CDH1: variants seen among roughly 807,000 people sequenced by gnomAD.
CDH1 encodes the protein cadherin 1.
Under a neutral mutation model 84.5 loss-of-function variants are expected in CDH1, and 35 were observed. The observed-to-expected ratio is 0.41, with a 90% CI of 0.32 to 0.55. The LOEUF is 0.55. Ranked by LOEUF, CDH1 falls within the 20% of genes least tolerant of loss-of-function variation. CDH1 has a pLI of 0.19. For missense variants in CDH1, 994 were observed against 1,126.6 expected, an observed-to-expected ratio of 0.88 and a Z score of 1.68; for synonymous variants, 417 against 439.0, an observed-to-expected ratio of 0.95 and a Z score of 0.63.
chr16:68,811,666 C>G lies in CDH1; in HGVS notation c.833-18C>G, dbSNP rs1960832962. On this transcript the variant is annotated intron_variant, in intron 6 of 15. Coordinates refer to ENST00000261769, the MANE Select transcript of CDH1 (RefSeq NM_004360.5). ...AAGTGCAGCTTGTCTAAACCTTCATCTCCTTGAACTCTTCCAGGAACCTCT... is the reference window on the plus strand; with the variant it reads ...AAGTGCAGCTTGTCTAAACCTTCATGTCCTTGAACTCTTCCAGGAACCTCT... The G allele has an allele frequency of 6.2e-7, 1 of 1,612,446 alleles. No individual in the cohort carries two copies. Among genetic ancestry groups the G allele is most frequent in the East Asian group, 2.2e-5 (1 of 44,850 alleles).
At chr16:68,803,136 G>A (rs1361124444) in intron 3 of CDH1, among the ~76,000 whole-genome samples, 1 of 152,174 alleles carries the variant, frequency 6.6e-6, no homozygotes, top group South Asian at 2.1e-4. Context: ...GGAATATGTT[G>A]TAAGTGCCAG....
At chr16:68,782,081 G>A (rs1597871019) in intron 2 of CDH1, among the ~76,000 whole-genome samples, 1 of 152,198 alleles carries the variant, frequency 6.6e-6, no homozygotes, top group Non-Finnish European at 1.5e-5. Context: ...TCAAATCTTT[G>A]ATCAAGAGGG....
intron 2 of CDH1, among the ~76,000 whole-genome samples, chr16:68,748,153 C>T (rs573527919): frequency 8.4e-5 from 12 of 142,364 alleles, no homozygotes; most frequent in African/African-American, 3.3e-4. Flanking sequence ...GCTCTCATTG[C>T]CCAGGCTGGA....
intron 10 of CDH1, among the ~76,000 whole-genome samples, chr16:68,816,475 G>C (rs1252549705): frequency 6.6e-6 from 1 of 152,230 alleles, no homozygotes; most frequent in Non-Finnish European, 1.5e-5. Context: ...GTTGGGCATA[G>C]CAGCTCATGC....
intron 2 of CDH1, among the ~76,000 whole-genome samples, chr16:68,779,031 G>A (rs1023806933): frequency 6.6e-6 from 1 of 152,106 alleles, no homozygotes; most frequent in Non-Finnish European, 1.5e-5. Flanking sequence ...GTTTTGTCAG[G>A]GCCAAAAAGC....
intron 10 of CDH1, among the ~76,000 whole-genome samples, chr16:68,817,198 G>A (rs1007563343): frequency 3.3e-5 from 5 of 152,092 alleles, no homozygotes; most frequent in African/African-American, 9.7e-5. Context: ...TAACTGAGCA[G>A]TAGATCTCTG....
At chr16:68,777,534 C>T (rs1181367348) in intron 2 of CDH1, among the ~76,000 whole-genome samples, 7 of 76,980 alleles carry the variant, frequency 9.1e-5, no homozygotes, top group Admixed American at 2.0e-4. Flanking sequence ...GTAATGTTTC[C>T]TTTTTTTTTT....
chr16:68,810,268 C>G lies in CDH1; in HGVS notation c.759C>G (p.Thr253=), dbSNP rs372934565. ...EDPMEILITV[T]DQNDNKPEFT... ...CAATGGAGATTTTGATCACGGTAAC[C>G]GATCAGAATGACAACAAGCCCGAAT... Residue 253 remains threonine, a synonymous_variant, in exon 6 of 16, where the codon ACC becomes ACG. Coordinates refer to ENST00000261769, the MANE Select transcript of CDH1 (RefSeq NM_004360.5). 6.2e-7 allele frequency: 1 copy of G among 1,613,694 alleles called. No homozygotes were observed. The highest frequency in any genetic ancestry group is 8.5e-7 in the Non-Finnish European group (1 of 1,179,614).
At chr16:68,781,451 C>G (rs1027157352) in intron 2 of CDH1, among the ~76,000 whole-genome samples, 2 of 152,122 alleles carry the variant, frequency 1.3e-5, no homozygotes, top group African/African-American at 4.8e-5. Context: ...GCAATTAACT[C>G]CACCTCAGCC....
rs187087884 is a variant in CDH1 at position 68,755,962 on chromosome 16, C to G, written c.163+17551C>G. 2.5e-4 allele frequency among the ~76,000 whole-genome samples: 38 copies of G among 151,530 alleles called. No homozygotes were observed. In the East Asian group the frequency reaches 6.9e-3, roughly 27 times the overall value. ...TATTTTTCGTAGAGACGGGGTTTCACCATGTTGGCCAGGCTGGTCTCCAAC... is the reference window on the plus strand; with the variant it reads ...TATTTTTCGTAGAGACGGGGTTTCAGCATGTTGGCCAGGCTGGTCTCCAAC... On this transcript the variant is annotated intron_variant, in intron 2 of 15. Coordinates refer to ENST00000261769, the MANE Select transcript of CDH1 (RefSeq NM_004360.5).
intron 10 of CDH1, among the ~76,000 whole-genome samples, chr16:68,818,413 A>G (rs1465039912): frequency 6.6e-6 from 1 of 152,046 alleles, no homozygotes; most frequent in Admixed American, 6.6e-5. Flanking sequence ...GCGTGTGTCA[A>G]TATAGACAGA....
rs1158343325 is a variant in CDH1, at chr16:68,811,396, CAAA to C, written c.833-269_833-267del. On this transcript the variant is annotated intron_variant, in intron 6 of 15. Transcript: ENST00000261769. ...GGGCAACAGGAGCAAAACTCCGTCT[CAAA>C]AAAAAAAAAAAAAAAAAAGATAACC... 1.4e-3 allele frequency among the ~76,000 whole-genome samples: 112 copies of C among 77,762 alleles called. 2 individuals carry two copies. The highest frequency in any genetic ancestry group is 3.8e-3 in the African/African-American group (98 of 26,008). 51.0% of individuals were successfully genotyped at this position (77,762 alleles called of 152,430 possible).
intron 2 of CDH1, among the ~76,000 whole-genome samples, chr16:68,751,970 A>C (rs1366725677): frequency 1.0e-5 from 1 of 98,392 alleles, no homozygotes; most frequent in Non-Finnish European, 2.0e-5. Flanking sequence ...TTTTTTTTTG[A>C]GATGGAGTCT....
At position 68,811,991 on chromosome 16, in the gene CDH1, G is replaced by GA. The variant is rs33945588; in HGVS notation, c.1008+132_1008+133insA. On this transcript the variant is annotated intron_variant, in intron 7 of 15. Coordinates refer to ENST00000261769, the MANE Select transcript of CDH1 (RefSeq NM_004360.5). ...TGGTCTAAGCTTTGCATCTAAGCTT[G>GA]TGCCCAGAGGTTCCGTGCCTAGAAG... The GA allele has an allele frequency of 0.15, 225,044 of 1,457,916 alleles. 19,618 individuals are homozygous for GA. Among genetic ancestry groups the GA allele is most frequent in the African/African-American group, 0.34 (24,590 of 71,620 alleles). 90.3% of individuals were successfully genotyped at this position (1,457,916 alleles called of 1,614,324 possible).
In CDH1 at chr16:68,830,655, C is replaced by T. The variant is rs887655579; in HGVS notation, c.2439+858C>T. Among the ~76,000 whole-genome samples, 31 of 152,228 alleles carry T rather than the reference C, an allele frequency of 2.0e-4. 1 individual carries two copies. The highest frequency in any genetic ancestry group is 1.7e-3 in the Admixed American group (26 of 15,282). On this transcript the variant is annotated intron_variant, in intron 15 of 15. Coordinates refer to ENST00000261769, the MANE Select transcript of CDH1 (RefSeq NM_004360.5). ...ATGTTTCTGCTCCATCATCTTAGCA[C>T]GTAGACCCTTCTTCTCAGGCTTGTT...
At chr16:68,762,477 A>AACTCC (rs1386278571) in intron 2 of CDH1, among the ~76,000 whole-genome samples, 3 of 152,144 alleles carry the variant, frequency 2.0e-5, no homozygotes, top group Non-Finnish European at 1.5e-5. Context: ...GTTACCCCAT[A>AACTCC]ACCCCCAGTG....
At chr16:68,825,637 G>A (rs1284961070) in intron 13 of CDH1, among the ~76,000 whole-genome samples, 3 of 152,068 alleles carry the variant, frequency 2.0e-5, no homozygotes, top group African/African-American at 7.2e-5. Context: ...CATCCTGCCA[G>A]GCTTTACATG....
intron 1 of CDH1, 84 bp from the exon 2 acceptor site, chr16:68,738,213 A>G: frequency 1.1e-6 from 1 of 912,530 alleles, no homozygotes; most frequent in Non-Finnish European, 1.7e-6. Context: ...GCCGGGAGCG[A>G]GGGAGGGGCG....
chr16:68,742,014 T>C (rs1226820457), intron 2 of CDH1, among the ~76,000 whole-genome samples: 2 of 152,148 alleles, frequency 1.3e-5, no homozygotes, highest in Admixed American at 6.5e-5. Context: ...TCCTTCTTCA[T>C]AGCACACACC....
Sources: allele counts gnomAD v4.1 joint callset (sites outside exome capture counted in the v4.1 genomes callset), GRCh38; gene constraint gnomAD v4.1.1; transcripts MANE v1.5; gene names NCBI Gene and HGNC (gene_info 2026-07-23, HGNC 2026-07-21).